ARSG: variants seen among roughly 807,000 people sequenced by gnomAD.
The protein encoded by ARSG is arylsulfatase G.
A neutral mutation model predicts 50.5 loss-of-function variants in ARSG; 37 were observed. That is an observed-to-expected ratio of 0.73 (90% CI 0.56 to 0.96). The LOEUF is 0.96. Among genes scored for constraint, ARSG ranks in the 50% least tolerant of loss-of-function variants. ARSG has a pLI of 0.00. For missense variants in ARSG, 629 were observed against 675.3 expected (o/e 0.93, Z 0.76); for synonymous variants, 225 against 254.6 (o/e 0.88, Z 1.11).
At chr17:68,315,583 AG>A (rs1455192111) in intron 2 of ARSG, among the ~76,000 whole-genome samples, 1 of 151,862 alleles carries the variant, frequency 6.6e-6, no homozygotes, top group Admixed American at 6.6e-5. Context: ...GTGCTAATGA[AG>A]GATTTTTGTG....
At chr17:68,310,240 G>T (rs1268830800) in intron 2 of ARSG, among the ~76,000 whole-genome samples, 3 of 152,124 alleles carry the variant, frequency 2.0e-5, no homozygotes, top group African/African-American at 7.2e-5. Context: ...GATTACAAGC[G>T]TGAGCCACCA....
At position 68,376,362 on chromosome 17, in the gene ARSG, A is replaced by G. The variant is rs537048039; in HGVS notation, c.982+5838A>G. Among the ~76,000 whole-genome samples the G allele has an allele frequency of 2.6e-3, 380 of 147,162 alleles. 1 individual carries two copies. The highest frequency in any genetic ancestry group is 4.3e-3 in the Non-Finnish European group (291 of 67,284). ...CATCATTACAGCTCACTGCAGCCTC[A>G]ACCTCCTGGATTCAAGCAATCCTCC... On this transcript the variant is annotated intron_variant, in intron 8 of 11. Transcript: ENST00000621439.
chr17:68,364,316 A>C (rs1455108154), intron 6 of ARSG, among the ~76,000 whole-genome samples: 3 of 152,180 alleles, frequency 2.0e-5, no homozygotes, highest in East Asian at 1.9e-4. Context: ...CAAACAAAAA[A>C]AAATCACCCT....
chr17:68,408,007 GTTTC>G (rs1196329562), intron 11 of ARSG, among the ~76,000 whole-genome samples: 3 of 147,870 alleles, frequency 2.0e-5, no homozygotes, highest in African/African-American at 7.6e-5. Flanking sequence ...TTGGCTGTGG[GTTTC>G]TTTTTTTTTT....
At chr17:68,361,054 A>G (rs2079261199) in intron 6 of ARSG, among the ~76,000 whole-genome samples, 1 of 152,062 alleles carries the variant, frequency 6.6e-6, no homozygotes, top group South Asian at 2.1e-4. Flanking sequence ...CGAACTCCCA[A>G]CCTCAGGTGA....
Position 68,362,591 on chromosome 17 carries a change from G to A in ARSG, c.704+5787G>A, listed in dbSNP as rs141059301. Among the ~76,000 whole-genome samples the A allele has an allele frequency of 3.8e-3, 574 of 151,928 alleles. 4 individuals are homozygous for A. The highest frequency in any genetic ancestry group is 0.013 in the African/African-American group (539 of 41,404). ...ATCTCTCCTACGGGCTGAGTATTCCGTATCTGGAATGCTTGGGACCAGAAG... is the reference window on the plus strand; with the variant it reads ...ATCTCTCCTACGGGCTGAGTATTCCATATCTGGAATGCTTGGGACCAGAAG... On this transcript the variant is annotated intron_variant, in intron 6 of 11. Transcript: ENST00000621439.
chr17:68,347,205 A>T, intron 4 of ARSG, 33 bp downstream of exon 4: 1 of 1,605,508 alleles, frequency 6.2e-7, no homozygotes, highest in Non-Finnish European at 8.5e-7. Flanking sequence ...GTTACCTGGG[A>T]AACAGAAAAT....
chr17:68,318,491 A>G (rs2077157939), intron 2 of ARSG, among the ~76,000 whole-genome samples: 1 of 152,234 alleles, frequency 6.6e-6, no homozygotes, highest in South Asian at 2.1e-4. Flanking sequence ...GCTCCTGGGC[A>G]GTAATGACTC....
chr17:68,437,860 T>C, the ARSG span, among the ~76,000 whole-genome samples: 2 of 144,652 alleles, frequency 1.4e-5, no homozygotes, highest in Non-Finnish European at 1.5e-5. Context: ...TGAATAGAGG[T>C]GCACATGATA....
chr17:68,305,067 G>A (rs958525718), intron 1 of ARSG, among the ~76,000 whole-genome samples: 2 of 152,122 alleles, frequency 1.3e-5, no homozygotes, highest in East Asian at 1.9e-4. Context: ...CTAGCTACCC[G>A]GGAGGCTGAG....
At chr17:68,421,938 A>G (rs1600225203), downstream of ARSG, 1 of 1,349,954 alleles carries the variant, frequency 7.4e-7, no homozygotes, top group Non-Finnish European at 1.1e-6. Flanking sequence ...GCACTGTGGA[A>G]TTTTTCTGTC....
At chr17:68,298,057 T>G (rs1555759107) in intron 1 of ARSG, among the ~76,000 whole-genome samples, 1 of 151,286 alleles carries the variant, frequency 6.6e-6, no homozygotes, top group Non-Finnish European at 1.5e-5. Context: ...CACAAAGAGA[T>G]TCTGTAACAT....
rs886455932 is a variant in ARSG, at chr17:68,356,358, G to T, written c.567-309G>T. On this transcript the variant is annotated intron_variant, in intron 5 of 11. Coordinates refer to ENST00000621439, the MANE Select transcript of ARSG (RefSeq NM_001267727.2). ...TGGGACTCTGCTTGACATCATTTAG[G>T]TTCTTTAGACCTCAGTTTCTCTCCC... Among the ~76,000 whole-genome samples the T allele has an allele frequency of 6.6e-5, 10 of 152,148 alleles. 1 individual carries two copies. Among genetic ancestry groups the T allele is most frequent in the Admixed American group, 5.2e-4 (8 of 15,270 alleles).
the ARSG span, among the ~76,000 whole-genome samples, chr17:68,433,777 T>TTTTTTTTG: frequency 4.3e-3 from 274 of 63,650 alleles, 4 homozygotes; most frequent in African/African-American, 0.013. Flanking sequence ...TTTTTTTTTT[T>TTTTTTTTG]TTTTTTTTTT....
the ARSG span, chr17:68,436,388 G>C: frequency 1.2e-6 from 2 of 1,613,804 alleles, no homozygotes; most frequent in Non-Finnish European, 8.5e-7. Context: ...TTACCAGGGA[G>C]TTTCCATCAT....
intron 1 of ARSG, among the ~76,000 whole-genome samples, chr17:68,302,140 T>C (rs1296699674): frequency 6.6e-6 from 1 of 152,158 alleles, no homozygotes; most frequent in Non-Finnish European, 1.5e-5. Flanking sequence ...GATGACAGAA[T>C]GCGTTGGGGA....
intron 10 of ARSG, 26 bp downstream of exon 10, chr17:68,395,219 A>G (rs1279891810): frequency 7.4e-6 from 12 of 1,612,424 alleles, no homozygotes; most frequent in South Asian, 1.1e-5. Context: ...ACTTGCCCAC[A>G]TGTAGGCTCT....
chr17:68,414,885 T>C (rs1000916978), intron 11 of ARSG, among the ~76,000 whole-genome samples: 4 of 152,208 alleles, frequency 2.6e-5, no homozygotes, highest in Admixed American at 2.6e-4. Context: ...ATATCTCCTG[T>C]TTTGTTTCTT....
intron 1 of ARSG, among the ~76,000 whole-genome samples, chr17:68,297,151 AAG>A (rs1196604965): frequency 1.3e-5 from 2 of 152,200 alleles, no homozygotes; most frequent in Non-Finnish European, 2.9e-5. Context: ...ATCCTGGACA[AAG>A]AGTTCTTTTG....
Sources: gnomAD v4.1 joint callset for allele counts (sites outside exome capture counted in the v4.1 genomes callset) on GRCh38, gnomAD v4.1.1 for gene constraint, MANE v1.5 for transcripts, NCBI Gene and HGNC (gene_info 2026-07-23, HGNC 2026-07-21) for gene names.